The following CLEC2D variants were observed in gnomAD, a reference collection of about 807,000 sequenced individuals.
CLEC2D encodes C-type lectin related f.
In CLEC2D, 16 loss-of-function variants were observed where a neutral mutation model predicts 20.0. That is an observed-to-expected ratio of 0.80 (90% CI 0.54 to 1.22). The LOEUF (loss-of-function observed/expected upper bound fraction) is 1.22. CLEC2D is among the 50% of genes most tolerant of loss of function. CLEC2D has a pLI of 0.00. For missense variants in CLEC2D, 207 were observed against 221.5 expected, an observed-to-expected ratio of 0.93 and a Z score of 0.42; for synonymous variants, 77 against 71.1, an observed-to-expected ratio of 1.08 and a Z score of -0.42.
chr12:9,691,530 T>C, intron 3 of CLEC2D, among the ~76,000 whole-genome samples: 1 of 152,270 alleles, frequency 6.6e-6, no homozygotes, highest in East Asian at 1.9e-4. Flanking sequence ...TGTTAGTAAG[T>C]GTGAAAATTT....
chr12:9,684,511 A>G (rs1216047979), intron 2 of CLEC2D, among the ~76,000 whole-genome samples: 2 of 152,124 alleles, frequency 1.3e-5, no homozygotes, highest in Non-Finnish European at 2.9e-5. Context: ...GATATTCGCT[A>G]TGAGTTTGTC....
At chr12:9,675,295 C>G (rs527455887) in intron 1 of CLEC2D, among the ~76,000 whole-genome samples, 4 of 151,772 alleles carry the variant, frequency 2.6e-5, no homozygotes, top group South Asian at 2.1e-4. Flanking sequence ...CTGGGTTCAC[C>G]CACCATTCTC....
At position 9,695,245 on chromosome 12, in the gene CLEC2D, T is replaced by C; in HGVS notation, c.*371T>C. 1.6e-6 allele frequency: 1 copy of C among 636,582 alleles called. No individual in the cohort carries two copies. Among genetic ancestry groups the C allele is most frequent in the South Asian group, 1.8e-5 (1 of 56,248 alleles). The allele number at this position is 636,582 out of a possible 1,614,324, so 39.4% of individuals were successfully genotyped here. Reference sequence around the variant, plus strand: ...GGACTTGTGCACAGGAACTCCTATTTATACAACCATCAGATATCTTGAGAC... The same window carrying C: ...GGACTTGTGCACAGGAACTCCTATTCATACAACCATCAGATATCTTGAGAC... On this transcript the variant is annotated 3_prime_UTR_variant, in exon 5 of 5. Coordinates refer to ENST00000290855, the MANE Select transcript of CLEC2D (RefSeq NM_013269.6).
intron 2 of CLEC2D, 103 bp downstream of exon 2, chr12:9,681,136 T>G: frequency 1.5e-6 from 1 of 662,950 alleles, no homozygotes. Context: ...TTTAATATAT[T>G]GTCTCACTAA....
chr12:9,671,347 A>G (rs1003887258), intron 1 of CLEC2D, among the ~76,000 whole-genome samples: 3 of 152,102 alleles, frequency 2.0e-5, no homozygotes, highest in Admixed American at 1.3e-4. Flanking sequence ...CAGCCTCCTG[A>G]GTAGCTGGGA....
At chr12:9,678,805 G>C (rs138818137) in intron 1 of CLEC2D, among the ~76,000 whole-genome samples, 1 of 152,030 alleles carries the variant, frequency 6.6e-6, no homozygotes, top group Non-Finnish European at 1.5e-5. Flanking sequence ...TGTCTCAAAG[G>C]GTTGGGATTA....
intron 2 of CLEC2D, among the ~76,000 whole-genome samples, chr12:9,683,329 G>T (rs76226393): frequency 0.14 from 11,759 of 83,668 alleles, 706 homozygotes; most frequent in African/African-American, 0.21. Context: ...TTTGTTTTTT[G>T]TGTTTGTTTT....
intron 3 of CLEC2D, among the ~76,000 whole-genome samples, chr12:9,692,311 T>C (rs1016396583): frequency 3.3e-5 from 5 of 151,746 alleles, no homozygotes; most frequent in Non-Finnish European, 7.4e-5. Flanking sequence ...AATTTTTGTA[T>C]TTTTTTTAAT....
At chr12:9,688,190 A>ATTT (rs71045286) in intron 3 of CLEC2D, 104 bp downstream of exon 3, 33,799 of 766,690 alleles carry the variant, frequency 0.044, 1,611 homozygotes, top group African/African-American at 0.23. Context: ...TTTTACATTG[A>ATTT]TTTTTTTTTT....
intron 1 of CLEC2D, among the ~76,000 whole-genome samples, chr12:9,673,118 T>TG (rs1485878467): frequency 6.6e-6 from 1 of 152,228 alleles, no homozygotes; most frequent in African/African-American, 2.4e-5. Flanking sequence ...GGAGAACTGT[T>TG]GCGATCATTT....
intron 1 of CLEC2D, among the ~76,000 whole-genome samples, chr12:9,676,365 T>C (rs1865520176): frequency 3.3e-5 from 5 of 152,202 alleles, no homozygotes; most frequent in Admixed American, 3.3e-4. Context: ...CTGTGTTGAA[T>C]TTTGTTTACT....
Position 9,698,251 on chromosome 12 carries a change from T to C in CLEC2D, c.*3377T>C, listed in dbSNP as rs1237408525. ...TGGTGAGAACATTTGAAATTTATTCTCTTGACAATTTTGAAAGATCCAATA... is the reference window on the plus strand; with the variant it reads ...TGGTGAGAACATTTGAAATTTATTCCCTTGACAATTTTGAAAGATCCAATA... On this transcript the variant is annotated 3_prime_UTR_variant, in exon 5 of 5. Transcript: ENST00000290855. 1 of 152,188 alleles carries C rather than the reference T, an allele frequency of 6.6e-6. No individual in the cohort carries two copies. Among genetic ancestry groups the C allele is most frequent in the Non-Finnish European group, 1.5e-5 (1 of 68,040 alleles). 9.4% of individuals were successfully genotyped at this position (152,188 alleles called of 1,614,324 possible).
chr12:9,693,969 C>CTTTT lies in CLEC2D; in HGVS notation c.462-768_462-765dup, dbSNP rs67746754. Reference sequence around the variant, plus strand: ...TACAGGTGTGTGCCACCTTGCTTGGCTTTTTTTTTTTTTTTTTTTTTTTTT... The same window carrying CTTTT: ...TACAGGTGTGTGCCACCTTGCTTGGCTTTTTTTTTTTTTTTTTTTTTTTTTTTTT... On this transcript the variant is annotated intron_variant, in intron 4 of 4. Coordinates refer to ENST00000290855, the MANE Select transcript of CLEC2D (RefSeq NM_013269.6). The CTTTT allele has an allele frequency of 1.6e-4, 10 of 63,684 alleles. 1 individual carries two copies. Among genetic ancestry groups the CTTTT allele is most frequent in the South Asian group, 2.4e-4 (2 of 8,288 alleles). The allele number at this position is 63,684 out of a possible 1,614,324, so 3.9% of individuals were successfully genotyped here.
chr12:9,691,169 AAAAG>A (rs1294295251), intron 3 of CLEC2D, among the ~76,000 whole-genome samples: 1 of 152,088 alleles, frequency 6.6e-6, no homozygotes, highest in Non-Finnish European at 1.5e-5. Flanking sequence ...TTACAAGAGA[AAAAG>A]AAGGGCATTA....
rs192825935 is a variant in CLEC2D at position 9,692,878 on chromosome 12, C to G, written c.408C>G (p.Ser136Arg). 1 of 1,613,614 alleles carries G rather than the reference C, an allele frequency of 6.2e-7. No homozygotes were observed. ...CATCTGATCACTGGATTGGGCTGAG[C>G]AGAGAACAAGGCCAACCATGGAAAT... is the stretch of plus-strand genomic sequence containing the variant. ...KGPSDHWIGLSREQGQPWKWI... is the reference protein window; with the variant it reads ...KGPSDHWIGLRREQGQPWKWI... The change falls in exon 4 of 5, where the codon AGC becomes AGG. Residue 136 changes from serine (S) to arginine (R), a missense_variant. Ser to Arg is a moderately radical substitution (Grantham distance 110). Coordinates refer to ENST00000290855, the MANE Select transcript of CLEC2D (RefSeq NM_013269.6).
Position 9,695,809 on chromosome 12 carries a change from T to G in CLEC2D, c.*935T>G. 3 of 1,265,594 alleles carry G rather than the reference T, an allele frequency of 2.4e-6. No homozygotes were observed. Among genetic ancestry groups the G allele is most frequent in the Non-Finnish European group, 3.4e-6 (3 of 877,544 alleles). The allele number at this position is 1,265,594 out of a possible 1,614,324, so 78.4% of individuals were successfully genotyped here. ...ACTCTTAAGTATATCTGGAAAGCAG[T>G]CTGCCCCTGGAGGTGGGCAGAAAAA... On this transcript the variant is annotated 3_prime_UTR_variant, in exon 5 of 5. Transcript: ENST00000290855.
chr12:9,688,900 T>G (rs1464262091), intron 3 of CLEC2D, among the ~76,000 whole-genome samples: 1 of 152,200 alleles, frequency 6.6e-6, no homozygotes, highest in Non-Finnish European at 1.5e-5. Context: ...GGGAAGAGTT[T>G]GATAAAGAGG....
In CLEC2D at chr12:9,694,908, G is replaced by A. The variant is rs772289938; in HGVS notation, c.*34G>A. On this transcript the variant is annotated 3_prime_UTR_variant, in exon 5 of 5. Coordinates refer to ENST00000290855, the MANE Select transcript of CLEC2D (RefSeq NM_013269.6). ...GCAAAGCCCCAACTAATCTTTAGAA[G>A]CATATTGGAACTGATAACTCCATTT... The A allele has an allele frequency of 4.4e-6, 5 of 1,137,178 alleles. No homozygotes were observed. In the South Asian group the frequency reaches 6.2e-5, roughly 14 times the overall value. The allele number at this position is 1,137,178 out of a possible 1,614,324, so 70.4% of individuals were successfully genotyped here.
At chr12:9,677,395 A>G (rs1023842923) in intron 1 of CLEC2D, among the ~76,000 whole-genome samples, 75 of 152,000 alleles carry the variant, frequency 4.9e-4, no homozygotes, top group Admixed American at 1.4e-3. Context: ...GTATTGTTTA[A>G]TCTCCACATG....
Sources: gnomAD v4.1 joint callset for allele counts (sites outside exome capture counted in the v4.1 genomes callset) on GRCh38, gnomAD v4.1.1 for gene constraint, MANE v1.5 for transcripts, NCBI Gene and HGNC (gene_info 2026-07-23, HGNC 2026-07-21) for gene names.